The following B3GALT1 variants were observed in gnomAD, a reference collection of about 807,000 sequenced individuals.
B3GALT1 encodes UDP-Gal:betaGlcNAc beta 1,3-galactosyltransferase, polypeptide 1.
B3GALT1 carries 10 observed loss-of-function variants against 23.2 expected under a neutral mutation model. The ratio of observed to expected loss-of-function variants is 0.43; its 90% CI spans 0.27 to 0.73. B3GALT1 has a LOEUF of 0.73. B3GALT1 is among the 30% of genes least tolerant of loss of function. The pLI, the probability that B3GALT1 is intolerant of heterozygous loss-of-function variation, is 0.21. For missense variants in B3GALT1, 299 were observed against 405.4 expected (o/e 0.74, Z 2.25); for synonymous variants, 156 against 141.5 (o/e 1.10, Z -0.73).
intron 2 of B3GALT1, among the ~76,000 whole-genome samples, chr2:167,590,543 A>G (rs893048714): frequency 2.6e-5 from 4 of 151,848 alleles, no homozygotes; most frequent in African/African-American, 4.8e-5. Flanking sequence ...CCAAGGGGGG[A>G]AAAAAAAGAA....
chr2:167,568,804 C>T (rs912095959), intron 2 of B3GALT1, among the ~76,000 whole-genome samples: 2 of 151,580 alleles, frequency 1.3e-5, no homozygotes, highest in African/African-American at 4.8e-5. Flanking sequence ...CATTGCCATA[C>T]CCAAGATCAT....
At chr2:167,548,601 A>G (rs1683684118) in intron 2 of B3GALT1, among the ~76,000 whole-genome samples, 1 of 152,014 alleles carries the variant, frequency 6.6e-6, no homozygotes, top group African/African-American at 2.4e-5. Flanking sequence ...GTGAGAATGC[A>G]AGCATCAAGG....
At chr2:167,633,379 A>ACC (rs1685487240) in intron 2 of B3GALT1, among the ~76,000 whole-genome samples, 1 of 151,972 alleles carries the variant, frequency 6.6e-6, no homozygotes, top group African/African-American at 2.4e-5. Context: ...CAACTTGGAT[A>ACC]AAGAGTCAAG....
chr2:167,726,102 C>G (rs1300013251), intron 3 of B3GALT1, among the ~76,000 whole-genome samples: 1 of 152,142 alleles, frequency 6.6e-6, no homozygotes, highest in Non-Finnish European at 1.5e-5. Context: ...CCTTTACAGG[C>G]AGGAAGAAAT....
chr2:167,716,114 A>G (rs1687141724), intron 3 of B3GALT1: 1 of 1,491,936 alleles, frequency 6.7e-7, no homozygotes, highest in East Asian at 2.3e-5. Flanking sequence ...GGCCACAACA[A>G]GCGGTGGAGA....
chr2:167,408,446 A>G (rs1698342307), intron 1 of B3GALT1, among the ~76,000 whole-genome samples: 1 of 152,156 alleles, frequency 6.6e-6, no homozygotes, highest in South Asian at 2.1e-4. Context: ...CCTCTCCTCA[A>G]AGGAGATGAA....
chr2:167,511,857 G>A (rs919035779), intron 2 of B3GALT1, among the ~76,000 whole-genome samples: 2 of 151,974 alleles, frequency 1.3e-5, no homozygotes, highest in Non-Finnish European at 2.9e-5. Flanking sequence ...AATATATAAA[G>A]AACATTTTTG....
intron 3 of B3GALT1, among the ~76,000 whole-genome samples, chr2:167,745,010 A>T (rs1178249508): frequency 6.6e-6 from 1 of 151,992 alleles, no homozygotes; most frequent in African/African-American, 2.4e-5. Context: ...ATATACTTGG[A>T]CTTATTTGTG....
At chr2:167,692,228 A>G (rs10930279) in intron 3 of B3GALT1, among the ~76,000 whole-genome samples, 68,517 of 151,952 alleles carry the variant, frequency 0.45, 15,892 homozygotes, top group Admixed American at 0.57. Flanking sequence ...ATATAACATC[A>G]TATAATCCAA....
chr2:167,792,809 T>C (rs1275863217), intron 3 of B3GALT1, among the ~76,000 whole-genome samples: 2 of 151,322 alleles, frequency 1.3e-5, no homozygotes, highest in Admixed American at 1.3e-4. Context: ...GAAAATATTC[T>C]AAAAGCTCAA....
At chr2:167,315,548 G>A (rs1696702817) in intron 1 of B3GALT1, among the ~76,000 whole-genome samples, 1 of 152,218 alleles carries the variant, frequency 6.6e-6, no homozygotes, top group Middle Eastern at 3.4e-3. Flanking sequence ...GTTCTGTCTG[G>A]AAAATGGAAG....
intron 1 of B3GALT1, among the ~76,000 whole-genome samples, chr2:167,364,559 G>T (rs947229132): frequency 2.6e-5 from 4 of 152,106 alleles, no homozygotes; most frequent in African/African-American, 9.6e-5. Context: ...TCATTGTTCA[G>T]TTCCCACCTA....
intron 3 of B3GALT1, among the ~76,000 whole-genome samples, chr2:167,693,270 A>G (rs1686742255): frequency 1.3e-5 from 2 of 152,108 alleles, no homozygotes; most frequent in Non-Finnish European, 2.9e-5. Flanking sequence ...TGGGAGATAG[A>G]AACAAAAAAA....
In B3GALT1 at chr2:167,836,176, C is replaced by T. The variant is rs555838668; in HGVS notation, c.-230+17383C>T. Among the ~76,000 whole-genome samples, 82 of 152,240 alleles carry T rather than the reference C, an allele frequency of 5.4e-4. 1 individual carries two copies. The highest frequency in any genetic ancestry group is 4.1e-4 in the Non-Finnish European group (28 of 68,022). On this transcript the variant is annotated intron_variant, in intron 4 of 4. Transcript: ENST00000392690. ...TCACCTTCAATGGAACAAAGCTGGA[C>T]GGAGAACGACTTTGACAAGTTGAGA...
intron 2 of B3GALT1, among the ~76,000 whole-genome samples, chr2:167,524,883 G>C (rs1166341186): frequency 6.6e-6 from 1 of 152,188 alleles, no homozygotes; most frequent in Non-Finnish European, 1.5e-5. Flanking sequence ...TATGTCTAAA[G>C]TCATATCATT....
intron 3 of B3GALT1, among the ~76,000 whole-genome samples, chr2:167,729,510 T>C (rs1293261595): frequency 1.3e-5 from 2 of 152,242 alleles, no homozygotes; most frequent in Non-Finnish European, 2.9e-5. Context: ...CCTAGAATTA[T>C]GTATAATGTC....
intron 3 of B3GALT1, among the ~76,000 whole-genome samples, chr2:167,693,544 A>G (rs942607721): frequency 1.3e-5 from 2 of 152,138 alleles, no homozygotes; most frequent in Non-Finnish European, 2.9e-5. Flanking sequence ...AGAAACTGTT[A>G]TTTGGGGGAA....
intron 2 of B3GALT1, among the ~76,000 whole-genome samples, chr2:167,590,291 C>A (rs578260520): frequency 2.1e-3 from 302 of 143,724 alleles, no homozygotes; most frequent in African/African-American, 7.1e-3. Context: ...GCTTGCAGTG[C>A]GCTGAGATCG....
At chr2:167,586,694 A>T (rs1237702238) in intron 2 of B3GALT1, among the ~76,000 whole-genome samples, 5 of 152,242 alleles carry the variant, frequency 3.3e-5, no homozygotes, top group African/African-American at 1.2e-4. Context: ...ATCATATGTC[A>T]CATAGAATTA....
Sources: allele counts gnomAD v4.1 joint callset (sites outside exome capture counted in the v4.1 genomes callset), GRCh38; gene constraint gnomAD v4.1.1; transcripts MANE v1.5; gene names NCBI Gene and HGNC (gene_info 2026-07-23, HGNC 2026-07-21).